DACH1: variants seen among roughly 807,000 people sequenced by gnomAD.
DACH1 encodes the protein dachshund homolog 1.
DACH1 carries 12 observed loss-of-function variants against 54.2 expected under a neutral mutation model. The observed-to-expected ratio is 0.22, with a 90% CI of 0.14 to 0.36. The LOEUF is 0.36. DACH1 is among the 10% of genes least tolerant of loss of function. The probability of loss-of-function intolerance (pLI) is 1.00; values close to 1 mark genes in which losing one functional copy is unlikely to be tolerated. For missense variants in DACH1, 805 were observed against 929.8 expected, an observed-to-expected ratio of 0.87 and a Z score of 1.75; for synonymous variants, 386 against 366.2, an observed-to-expected ratio of 1.05 and a Z score of -0.62.
At chr13:71,813,051 A>G (rs939452367) in intron 1 of DACH1, among the ~76,000 whole-genome samples, 14 of 152,162 alleles carry the variant, frequency 9.2e-5, no homozygotes, top group Non-Finnish European at 1.9e-4. Flanking sequence ...ATCTTTTCTG[A>G]TATGTCTAGC....
chr13:71,744,496 A>C (rs1884526881), intron 1 of DACH1, among the ~76,000 whole-genome samples: 1 of 152,176 alleles, frequency 6.6e-6, no homozygotes, highest in South Asian at 2.1e-4. Context: ...CACAATTCTG[A>C]AGAATTGTGA....
intron 6 of DACH1, among the ~76,000 whole-genome samples, chr13:71,510,247 G>A (rs966964589): frequency 6.6e-6 from 1 of 151,832 alleles, no homozygotes; most frequent in Admixed American, 6.6e-5. Context: ...TTTGCTATAC[G>A]AATCCTCTAA....
intron 1 of DACH1, among the ~76,000 whole-genome samples, chr13:71,841,147 A>C (rs1319016627): frequency 2.0e-5 from 3 of 152,204 alleles, no homozygotes; most frequent in African/African-American, 4.8e-5. Context: ...TATAAATATT[A>C]AACCACTTTA....
At chr13:71,740,926 T>C (rs1884354985) in intron 1 of DACH1, among the ~76,000 whole-genome samples, 1 of 152,148 alleles carries the variant, frequency 6.6e-6, no homozygotes, top group Admixed American at 6.5e-5. Context: ...CTTTTAGCCT[T>C]GACACTTTAT....
chr13:71,464,325 C>T (rs895314318), intron 10 of DACH1, among the ~76,000 whole-genome samples: 1 of 151,758 alleles, frequency 6.6e-6, no homozygotes, highest in African/African-American at 2.4e-5. Context: ...TGAAATTGAA[C>T]TTTCTTTATT....
chr13:71,514,052 A>G (rs546407703), intron 6 of DACH1, among the ~76,000 whole-genome samples: 2 of 152,190 alleles, frequency 1.3e-5, no homozygotes, highest in South Asian at 4.1e-4. Context: ...TCAATGTGGT[A>G]TGAGATATGA....
intron 6 of DACH1, among the ~76,000 whole-genome samples, chr13:71,546,892 C>T (rs1018771580): frequency 3.9e-5 from 6 of 152,038 alleles, no homozygotes; most frequent in Non-Finnish European, 7.4e-5. Context: ...ATTCCTTTCA[C>T]TTAAGCCTTT....
chr13:71,485,974 T>C (rs181339700), intron 7 of DACH1, among the ~76,000 whole-genome samples: 1 of 151,984 alleles, frequency 6.6e-6, no homozygotes, highest in Admixed American at 6.5e-5. Flanking sequence ...TATATGTACA[T>C]TTTATAAATT....
At chr13:71,761,899 CAT>C (rs1885414870) in intron 1 of DACH1, among the ~76,000 whole-genome samples, 1 of 151,890 alleles carries the variant, frequency 6.6e-6, no homozygotes. Context: ...ATATCTAAAA[CAT>C]GGGTGATTTA....
chr13:71,597,138 G>A (rs1211633491), intron 3 of DACH1, among the ~76,000 whole-genome samples: 2 of 152,138 alleles, frequency 1.3e-5, no homozygotes, highest in Admixed American at 1.3e-4. Context: ...TTTTTGTGAT[G>A]TAGCGTGAAT....
At chr13:71,565,334 G>GA (rs1376343500) in intron 4 of DACH1, among the ~76,000 whole-genome samples, 1 of 152,024 alleles carries the variant, frequency 6.6e-6, no homozygotes, top group African/African-American at 2.4e-5. Flanking sequence ...AGTATTTACT[G>GA]AACACTTACT....
intron 2 of DACH1, among the ~76,000 whole-genome samples, chr13:71,647,683 G>A (rs1300114147): frequency 3.9e-5 from 6 of 152,074 alleles, no homozygotes; most frequent in Non-Finnish European, 5.9e-5. Flanking sequence ...GTGCATGACT[G>A]GAGAAACAAT....
intron 7 of DACH1, among the ~76,000 whole-genome samples, chr13:71,485,575 CTTTTT>C (rs68024614): frequency 3.5e-4 from 16 of 46,152 alleles, no homozygotes; most frequent in Admixed American, 3.6e-4. Flanking sequence ...TTCTTTTCTT[CTTTTT>C]TTTTTTTTTT....
intron 10 of DACH1, among the ~76,000 whole-genome samples, chr13:71,454,370 C>A (rs1033940344): frequency 6.6e-6 from 1 of 152,146 alleles, no homozygotes; most frequent in Non-Finnish European, 1.5e-5. Context: ...TGCCCCCTGC[C>A]TCCTACAATT....
chr13:71,591,195 T>C (rs780515202), intron 3 of DACH1, among the ~76,000 whole-genome samples: 1 of 152,012 alleles, frequency 6.6e-6, no homozygotes, highest in Non-Finnish European at 1.5e-5. Context: ...TCCCAGTTTT[T>C]CATTTCAGAC....
Position 71,866,041 on chromosome 13 carries a change from GCA to G in DACH1, c.727_728del (p.Cys243GlnfsTer35). 1 of 1,613,862 alleles carries G rather than the reference GCA, an allele frequency of 6.2e-7. No homozygotes were observed. The highest frequency in any genetic ancestry group is 8.5e-7 in the Non-Finnish European group (1 of 1,179,976). The stretch of plus-strand genomic sequence containing the variant: ...TCAGGATGCGAACTTGTTCCACATT[GCA>G]CACCACCGGCGTGATCTCCAGCCGC... ...LKRLEITPVV[C>X]NVEQVRILRG... On this transcript the variant is annotated frameshift_variant, in exon 1 of 11. Coordinates refer to ENST00000613252, the MANE Select transcript of DACH1 (RefSeq NM_080759.6). LOFTEE classifies it high-confidence loss of function.
chr13:71,500,485 G>A (rs936645751), intron 6 of DACH1, among the ~76,000 whole-genome samples: 5 of 152,004 alleles, frequency 3.3e-5, no homozygotes, highest in African/African-American at 9.7e-5. Flanking sequence ...CTGGTGTTGA[G>A]GACTGATATT....
intron 3 of DACH1, among the ~76,000 whole-genome samples, chr13:71,588,077 G>T (rs903896574): frequency 3.3e-5 from 5 of 152,094 alleles, no homozygotes; most frequent in Admixed American, 6.5e-5. Flanking sequence ...CATTTATTCT[G>T]ATCTTACTCT....
chr13:71,563,896 T>C (rs1307632252), intron 4 of DACH1, among the ~76,000 whole-genome samples: 2 of 151,788 alleles, frequency 1.3e-5, no homozygotes, highest in Admixed American at 6.6e-5. Context: ...AACTATTCAA[T>C]TGAAACTTTC....
Sources: gnomAD v4.1 joint callset for allele counts (sites outside exome capture counted in the v4.1 genomes callset) on GRCh38, gnomAD v4.1.1 for gene constraint, MANE v1.5 for transcripts, NCBI Gene and HGNC (gene_info 2026-07-23, HGNC 2026-07-21) for gene names.